Variants in PDSS2 observed in about 807,000 individuals in gnomAD.
The protein encoded by PDSS2 is decaprenyl diphosphate synthase subunit 2.
Under a neutral mutation model 44.5 loss-of-function variants are expected in PDSS2, and 31 were observed. The observed-to-expected ratio is 0.70, with a 90% CI of 0.52 to 0.94. The LOEUF (loss-of-function observed/expected upper bound fraction) is 0.94, where lower values mean the gene tolerates loss of function less well. Among genes scored for constraint, PDSS2 ranks in the 40% least tolerant of loss-of-function variants. The pLI, the probability that PDSS2 is intolerant of heterozygous loss-of-function variation, is 0.00. For synonymous variants in PDSS2, 157 were observed against 180.3 expected (o/e 0.87, Z 1.03); for missense variants, 452 against 482.2 (o/e 0.94, Z 0.59).
chr6:107,354,936 A>AT (rs34295679), intron 1 of PDSS2, among the ~76,000 whole-genome samples: 3,739 of 146,214 alleles, frequency 0.026, 63 homozygotes, highest in Non-Finnish European at 0.038. Context: ...ACTTTTTTCT[A>AT]TTTTTTTTTT....
intron 1 of PDSS2, among the ~76,000 whole-genome samples, chr6:107,337,768 T>A (rs1777951688): frequency 6.6e-6 from 1 of 152,226 alleles, no homozygotes; most frequent in Admixed American, 6.5e-5. Flanking sequence ...TAATCTCCTA[T>A]GTTATTTAGT....
intron 6 of PDSS2, among the ~76,000 whole-genome samples, chr6:107,207,757 G>A (rs986639870): frequency 3.3e-5 from 5 of 151,368 alleles, no homozygotes; most frequent in Admixed American, 6.6e-5. Context: ...TTACAGGCCC[G>A]GGCCACCATG....
At chr6:107,401,615 G>A (rs1193868660) in intron 1 of PDSS2, among the ~76,000 whole-genome samples, 1 of 152,048 alleles carries the variant, frequency 6.6e-6, no homozygotes, top group African/African-American at 2.4e-5. Context: ...TAAAAATACT[G>A]ATTTTAAAGA....
At chr6:107,164,778 C>T (rs143223768) in intron 7 of PDSS2, among the ~76,000 whole-genome samples, 301 of 152,304 alleles carry the variant, frequency 2.0e-3, no homozygotes, top group African/African-American at 7.0e-3. Context: ...TTTACAGTTC[C>T]ATCAACAGTG....
At chr6:107,382,287 C>T (rs1779477741) in intron 1 of PDSS2, among the ~76,000 whole-genome samples, 2 of 152,010 alleles carry the variant, frequency 1.3e-5, no homozygotes, top group Admixed American at 6.6e-5. Flanking sequence ...ACCACCACCA[C>T]CACCACCATA....
chr6:107,410,365 G>A (rs371890042), intron 1 of PDSS2, among the ~76,000 whole-genome samples: 1 of 152,104 alleles, frequency 6.6e-6, no homozygotes, highest in South Asian at 2.1e-4. Context: ...CGCTTATCCT[G>A]GTATGAATCC....
At chr6:107,205,539 GTATTTTT>G (rs1772944704) in intron 6 of PDSS2, among the ~76,000 whole-genome samples, 1 of 152,124 alleles carries the variant, frequency 6.6e-6, no homozygotes, top group African/African-American at 2.4e-5. Flanking sequence ...TTCACTAACA[GTATTTTT>G]TCCTGATCAT....
chr6:107,415,308 C>CA (rs1186637728), intron 1 of PDSS2, among the ~76,000 whole-genome samples: 2 of 151,716 alleles, frequency 1.3e-5, no homozygotes, highest in East Asian at 1.9e-4. Context: ...CAATTTGGAA[C>CA]AAAAAAAATT....
At chr6:107,386,654 G>T (rs961075355) in intron 1 of PDSS2, among the ~76,000 whole-genome samples, 31 of 152,092 alleles carry the variant, frequency 2.0e-4, no homozygotes, top group Non-Finnish European at 5.9e-5. Flanking sequence ...TAAATAATTT[G>T]CCCCAAATGC....
At chr6:107,427,336 C>T (rs960206318) in intron 1 of PDSS2, among the ~76,000 whole-genome samples, 1 of 152,184 alleles carries the variant, frequency 6.6e-6, no homozygotes, top group Non-Finnish European at 1.5e-5. Flanking sequence ...GAGGCCTCCC[C>T]AGTCATGTGG....
At chr6:107,193,085 G>T (rs974742479) in intron 7 of PDSS2, among the ~76,000 whole-genome samples, 1 of 152,198 alleles carries the variant, frequency 6.6e-6, no homozygotes. Context: ...CCTGCTAAAT[G>T]TTCCATTTGT....
intron 1 of PDSS2, among the ~76,000 whole-genome samples, chr6:107,343,396 A>AAATT (rs1778140455): frequency 6.6e-6 from 1 of 152,240 alleles, no homozygotes; most frequent in Admixed American, 6.5e-5. Context: ...GCAACCTGCT[A>AAATT]AATTGATTTG....
chr6:107,374,758 C>T (rs529006429), intron 1 of PDSS2, among the ~76,000 whole-genome samples: 2 of 152,266 alleles, frequency 1.3e-5, no homozygotes, highest in East Asian at 3.9e-4. Flanking sequence ...TCATTTTAAA[C>T]AGTCATGTTA....
chr6:107,301,656 A>T (rs929155014), intron 2 of PDSS2, among the ~76,000 whole-genome samples: 1 of 152,148 alleles, frequency 6.6e-6, no homozygotes, highest in African/African-American at 2.4e-5. Flanking sequence ...TGAAAAGGTA[A>T]AATGAAAATT....
At chr6:107,210,973 G>T (rs1388189966) in intron 5 of PDSS2, among the ~76,000 whole-genome samples, 1 of 150,232 alleles carries the variant, frequency 6.7e-6, no homozygotes, top group Non-Finnish European at 1.5e-5. Context: ...TCCCCTCTGG[G>T]CGAGAGCAAA....
chr6:107,213,305 C>T (rs1455928321), intron 4 of PDSS2, among the ~76,000 whole-genome samples: 1 of 123,416 alleles, frequency 8.1e-6, no homozygotes, highest in Non-Finnish European at 1.6e-5. Context: ...GCCACCACAC[C>T]CAGATAATTT....
At chr6:107,364,605 C>T (rs1379151368) in intron 1 of PDSS2, among the ~76,000 whole-genome samples, 1 of 152,224 alleles carries the variant, frequency 6.6e-6, no homozygotes, top group Non-Finnish European at 1.5e-5. Context: ...CACGCAGTCC[C>T]GGTTCCCGCT....
chr6:107,301,625 T>G (rs1776697589), intron 2 of PDSS2, among the ~76,000 whole-genome samples: 1 of 152,270 alleles, frequency 6.6e-6, no homozygotes, highest in Admixed American at 6.5e-5. Flanking sequence ...ATAATTAGTT[T>G]CATTAAAAAT....
chr6:107,221,296 C>A (rs1036959202), intron 4 of PDSS2, among the ~76,000 whole-genome samples: 4 of 134,890 alleles, frequency 3.0e-5, no homozygotes, highest in Non-Finnish European at 6.0e-5. Flanking sequence ...GAGCCGAGAC[C>A]GCACCATGGC....
Sources: allele counts gnomAD v4.1 joint callset (sites outside exome capture counted in the v4.1 genomes callset), GRCh38; gene constraint gnomAD v4.1.1; transcripts MANE v1.5; gene names NCBI Gene and HGNC (gene_info 2026-07-23, HGNC 2026-07-21).